ALCAM: variants seen among roughly 807,000 people sequenced by gnomAD.
ALCAM encodes CD166 antigen.
In ALCAM, 30 loss-of-function variants were observed where a neutral mutation model predicts 70.9. That is an observed-to-expected ratio of 0.42 (90% confidence interval 0.32 to 0.57). The LOEUF (loss-of-function observed/expected upper bound fraction) is 0.57, where lower values mean the gene tolerates loss of function less well. Among genes scored for constraint, ALCAM ranks in the 20% least tolerant of loss-of-function variants. ALCAM has a pLI of 0.11. For synonymous variants in ALCAM, 249 were observed against 242.5 expected, an observed-to-expected ratio of 1.03 and a Z score of -0.25; for missense variants, 591 against 695.1, an observed-to-expected ratio of 0.85 and a Z score of 1.68.
chr3:105,422,651 T>G (rs1936697842), intron 1 of ALCAM, among the ~76,000 whole-genome samples: 1 of 151,484 alleles, frequency 6.6e-6, no homozygotes, highest in Non-Finnish European at 1.5e-5. Context: ...AGTATTGGAT[T>G]TCTTTGTTGT....
chr3:105,433,886 C>A (rs1241576046), intron 1 of ALCAM, among the ~76,000 whole-genome samples: 1 of 151,614 alleles, frequency 6.6e-6, no homozygotes, highest in Non-Finnish European at 1.5e-5. Flanking sequence ...CAATTAAAGT[C>A]TATCCCACTG....
chr3:105,431,168 G>T (rs1277501479), intron 1 of ALCAM, among the ~76,000 whole-genome samples: 5 of 151,664 alleles, frequency 3.3e-5, no homozygotes, highest in African/African-American at 1.2e-4. Flanking sequence ...AGGAGACATG[G>T]TATATAATTT....
chr3:105,468,486 T>C (rs183255448), intron 1 of ALCAM, among the ~76,000 whole-genome samples: 14 of 151,412 alleles, frequency 9.2e-5, no homozygotes, highest in Admixed American at 9.2e-4. Flanking sequence ...TAATTTGTCA[T>C]AAAAGAATAT....
intron 4 of ALCAM, among the ~76,000 whole-genome samples, 174 bp downstream of exon 4, chr3:105,532,240 C>A (rs1280540582): frequency 6.6e-6 from 1 of 152,114 alleles, no homozygotes; most frequent in Non-Finnish European, 1.5e-5. Flanking sequence ...CTCACAGTCT[C>A]AGGTAACCAT....
At chr3:105,447,707 G>T (rs1937332930) in intron 1 of ALCAM, among the ~76,000 whole-genome samples, 1 of 152,140 alleles carries the variant, frequency 6.6e-6, no homozygotes, top group Non-Finnish European at 1.5e-5. Flanking sequence ...GCAAGAAACT[G>T]TCTCAAATTA....
chr3:105,471,357 GAA>G (rs1357587155), intron 1 of ALCAM, among the ~76,000 whole-genome samples: 1 of 151,264 alleles, frequency 6.6e-6, no homozygotes, highest in Non-Finnish European at 1.5e-5. Context: ...CATTTTCTAA[GAA>G]CTTCTTGGTT....
intron 1 of ALCAM, among the ~76,000 whole-genome samples, chr3:105,416,406 CT>C (rs1456221381): frequency 6.6e-6 from 1 of 151,850 alleles, no homozygotes; most frequent in African/African-American, 2.4e-5. Flanking sequence ...AATTTTTCTA[CT>C]TATAAAATTG....
intron 1 of ALCAM, among the ~76,000 whole-genome samples, chr3:105,411,397 G>A (rs1936387069): frequency 6.6e-6 from 1 of 152,034 alleles, no homozygotes. Flanking sequence ...AGCAGAAGTA[G>A]CAGTAGAAAT....
At position 105,393,934 on chromosome 3, in the gene ALCAM, T is replaced by G. The variant is rs540723711; in HGVS notation, c.73+26453T>G. ...GAATTTATATTATCTAAATTTTTATTTTAAGCTCACTCAAATATAGATAAT... is the reference window on the plus strand; with the variant it reads ...GAATTTATATTATCTAAATTTTTATGTTAAGCTCACTCAAATATAGATAAT... On this transcript the variant is annotated intron_variant, in intron 1 of 15. Coordinates refer to ENST00000306107, the MANE Select transcript of ALCAM (RefSeq NM_001627.4). Among the ~76,000 whole-genome samples the G allele has an allele frequency of 5.9e-5, 9 of 152,078 alleles. 1 individual carries two copies. The East Asian group carries it at 1.7e-3, about 30-fold the overall frequency.
At chr3:105,403,440 T>G (rs1468076302) in intron 1 of ALCAM, among the ~76,000 whole-genome samples, 3 of 152,110 alleles carry the variant, frequency 2.0e-5, no homozygotes, top group Non-Finnish European at 4.4e-5. Context: ...AGTACCAGCC[T>G]AAGCTGGTAG....
At chr3:105,550,633 T>A (rs967478574) in intron 12 of ALCAM, among the ~76,000 whole-genome samples, 3 of 151,642 alleles carry the variant, frequency 2.0e-5, no homozygotes, top group Non-Finnish European at 4.4e-5. Flanking sequence ...GGTAAATTTG[T>A]AATTCCCTTT....
chr3:105,457,375 T>C lies in ALCAM; in HGVS notation c.74-62692T>C, dbSNP rs777297479. 4.6e-5 allele frequency among the ~76,000 whole-genome samples: 7 copies of C among 152,138 alleles called. No individual in the cohort carries two copies. The South Asian group carries it at 1.5e-3, about 32-fold the overall frequency. On this transcript the variant is annotated intron_variant, in intron 1 of 15. Coordinates refer to ENST00000306107, the MANE Select transcript of ALCAM (RefSeq NM_001627.4). ...TAAATGATGAGAACACATGGACTTA[T>C]AGAGGGGAACACTCTGGGCCTATTA...
intron 8 of ALCAM, 73 bp downstream of exon 8, chr3:105,541,838 A>T: frequency 1.0e-5 from 16 of 1,532,894 alleles, no homozygotes; most frequent in Non-Finnish European, 1.4e-5. Flanking sequence ...TATCTTTTCA[A>T]ATAAACTGCA....
chr3:105,490,598 C>T (rs1938555781), intron 1 of ALCAM, among the ~76,000 whole-genome samples: 1 of 152,208 alleles, frequency 6.6e-6, no homozygotes, highest in Middle Eastern at 3.4e-3. Context: ...GGGAAGAAAG[C>T]ATGTTATAGA....
chr3:105,431,167 G>A (rs1936923711), intron 1 of ALCAM, among the ~76,000 whole-genome samples: 1 of 150,974 alleles, frequency 6.6e-6, no homozygotes, highest in Non-Finnish European at 1.5e-5. Flanking sequence ...GAGGAGACAT[G>A]GTATATAATT....
intron 1 of ALCAM, among the ~76,000 whole-genome samples, chr3:105,396,513 T>G (rs1935954437): frequency 6.6e-6 from 1 of 152,036 alleles, no homozygotes; most frequent in Admixed American, 6.6e-5. Context: ...CTTACTGGAC[T>G]TCTTCCTAAA....
At chr3:105,425,389 A>G (rs1936764552) in intron 1 of ALCAM, among the ~76,000 whole-genome samples, 1 of 151,760 alleles carries the variant, frequency 6.6e-6, no homozygotes, top group Non-Finnish European at 1.5e-5. Flanking sequence ...GGAACCTCTC[A>G]GTCTTTCAAA....
chr3:105,406,932 C>T (rs1240484742), intron 1 of ALCAM, among the ~76,000 whole-genome samples: 23 of 151,968 alleles, frequency 1.5e-4, no homozygotes, highest in Admixed American at 1.4e-3. Flanking sequence ...AACACCTTTA[C>T]GCACATAAAC....
chr3:105,434,565 T>C (rs1308505545), intron 1 of ALCAM, among the ~76,000 whole-genome samples: 3 of 152,052 alleles, frequency 2.0e-5, no homozygotes, highest in Non-Finnish European at 4.4e-5. Context: ...TATATATAAA[T>C]GTATTCTACA....
Sources: gnomAD v4.1 joint callset for allele counts (sites outside exome capture counted in the v4.1 genomes callset) on GRCh38, gnomAD v4.1.1 for gene constraint, MANE v1.5 for transcripts, NCBI Gene and HGNC (gene_info 2026-07-23, HGNC 2026-07-21) for gene names.